Variants in SOX5 observed in about 807,000 individuals in gnomAD.
The protein encoded by SOX5 is transcription factor SOX-5.
Under a neutral mutation model 92.0 loss-of-function variants are expected in SOX5, and 9 were observed. The ratio of observed to expected loss-of-function variants is 0.10; its 90% confidence interval spans 0.06 to 0.17. The LOEUF (loss-of-function observed/expected upper bound fraction) is 0.17, where lower values mean the gene tolerates loss of function less well. SOX5 is among the 10% of genes least tolerant of loss of function. The pLI is 1.00. For missense variants in SOX5, 642 were observed against 944.5 expected (o/e 0.68, Z 4.20); for synonymous variants, 344 against 336.3 (o/e 1.02, Z -0.25).
At chr12:23,840,946 A>T (rs2096506199) in intron 3 of SOX5, among the ~76,000 whole-genome samples, 1 of 152,166 alleles carries the variant, frequency 6.6e-6, no homozygotes, top group Non-Finnish European at 1.5e-5. Flanking sequence ...GATTGCTTAC[A>T]GACATCAAAA....
At chr12:24,495,323 T>A (rs1947518589) in intron 1 of SOX5, among the ~76,000 whole-genome samples, 1 of 152,194 alleles carries the variant, frequency 6.6e-6, no homozygotes, top group Non-Finnish European at 1.5e-5. Context: ...AGAACCAGTA[T>A]GAAGTAGGTT....
intron 3 of SOX5, among the ~76,000 whole-genome samples, chr12:23,821,994 T>C (rs2096128522): frequency 6.6e-6 from 1 of 152,128 alleles, no homozygotes; most frequent in South Asian, 2.1e-4. Context: ...CATTTTTTAT[T>C]GTGTCTATTT....
At chr12:23,686,730 T>C (rs1314607152) in intron 6 of SOX5, among the ~76,000 whole-genome samples, 4 of 152,108 alleles carry the variant, frequency 2.6e-5, no homozygotes, top group Non-Finnish European at 5.9e-5. Context: ...CTTTTTCCTT[T>C]TTTGGAAATT....
chr12:23,582,663 A>C (rs1429975945), intron 9 of SOX5, among the ~76,000 whole-genome samples: 1 of 152,118 alleles, frequency 6.6e-6, no homozygotes, highest in East Asian at 1.9e-4. Flanking sequence ...TGCTGTGTTA[A>C]TGCTACCATT....
At chr12:23,601,411 T>C (rs1055779244) in intron 9 of SOX5, among the ~76,000 whole-genome samples, 2 of 152,192 alleles carry the variant, frequency 1.3e-5, no homozygotes, top group Non-Finnish European at 2.9e-5. Flanking sequence ...GGTTGTGACT[T>C]ATGATTTCAT....
At chr12:24,228,180 C>T (rs1962518500) in intron 3 of SOX5, among the ~76,000 whole-genome samples, 1 of 152,100 alleles carries the variant, frequency 6.6e-6, no homozygotes, top group Non-Finnish European at 1.5e-5. Flanking sequence ...TTTTGTATGC[C>T]ACAGAAAACC....
chr12:23,838,294 T>C (rs2096461336), intron 3 of SOX5, among the ~76,000 whole-genome samples: 1 of 149,908 alleles, frequency 6.7e-6, no homozygotes, highest in Non-Finnish European at 1.5e-5. Context: ...TTTGTTACTG[T>C]TTTTTTTGGT....
At chr12:23,860,122 A>G (rs1759574902) in intron 2 of SOX5, among the ~76,000 whole-genome samples, 1 of 152,194 alleles carries the variant, frequency 6.6e-6, no homozygotes, top group South Asian at 2.1e-4. Flanking sequence ...AGAGAAAGAA[A>G]CAACAGACAC....
At chr12:24,078,169 TTAAA>T (rs1462851821) in intron 4 of SOX5, among the ~76,000 whole-genome samples, 1 of 152,210 alleles carries the variant, frequency 6.6e-6, no homozygotes, top group East Asian at 1.9e-4. Context: ...TTTTTAAATC[TTAAA>T]TAGATATGCT....
chr12:24,065,074 G>C (rs780556085), intron 4 of SOX5, among the ~76,000 whole-genome samples: 2 of 152,138 alleles, frequency 1.3e-5, no homozygotes, highest in Non-Finnish European at 2.9e-5. Flanking sequence ...CTGAAGAATG[G>C]CACTGTGCTC....
chr12:24,468,590 A>G (rs925754115), intron 1 of SOX5, among the ~76,000 whole-genome samples: 2 of 152,082 alleles, frequency 1.3e-5, no homozygotes, highest in Non-Finnish European at 2.9e-5. Flanking sequence ...GTTTAGTCAA[A>G]CACCGCCCCA....
At position 23,713,691 on chromosome 12, in the gene SOX5, T is replaced by C. The variant is rs147984510; in HGVS notation, c.810+20993A>G. 4.2e-3 allele frequency among the ~76,000 whole-genome samples: 620 copies of C among 148,478 alleles called. 3 individuals carry two copies. Among genetic ancestry groups the C allele is most frequent in the African/African-American group, 0.014 (588 of 40,662 alleles). ...TGTGTGAATGTGTGTATTGAAATTA[T>C]CTGGAATATATATAAATATATATAT... On this transcript the variant is annotated intron_variant, in intron 6 of 14. Coordinates refer to ENST00000451604, the MANE Select transcript of SOX5 (RefSeq NM_006940.6).
chr12:23,970,841 A>ATATATATTTTTT lies in SOX5; in HGVS notation c.-1-74818_-1-74817insAAAAAATATATA. ...ACATGGGACTTTATATATATATATAATTTTTTTTTTTTTTTAAGAAATGGG... is the reference window on the plus strand; with the variant it reads ...ACATGGGACTTTATATATATATATAATATATATTTTTTTTTTTTTTTTTTTTTAAGAAATGGG... On this transcript the variant is annotated intron_variant, in intron 4 of 4. Coordinates refer to the SOX5 transcript ENST00000446891. 3.2e-3 allele frequency among the ~76,000 whole-genome samples: 71 copies of ATATATATTTTTT among 21,874 alleles called. 13 individuals are homozygous for ATATATATTTTTT. Among genetic ancestry groups the ATATATATTTTTT allele is most frequent in the South Asian group, 0.011 (5 of 454 alleles). The allele number at this position is 21,874 out of a possible 152,430, so 14.4% of individuals were successfully genotyped here. A position where few individuals can be genotyped will look rare whatever the true frequency, so the allele number is the denominator to read the frequency against.
intron 9 of SOX5, among the ~76,000 whole-genome samples, chr12:23,589,420 A>G (rs1951205456): frequency 6.6e-6 from 1 of 151,946 alleles, no homozygotes. Context: ...TCATGGAGGT[A>G]ATGCATAAAA....
intron 2 of SOX5, among the ~76,000 whole-genome samples, chr12:24,283,215 T>C (rs147942160): frequency 1.5e-4 from 23 of 152,308 alleles, no homozygotes; most frequent in African/African-American, 5.5e-4. Flanking sequence ...AATAAATATA[T>C]AAAGTATTCT....
At chr12:23,981,327 A>G (rs779567166) in intron 4 of SOX5, among the ~76,000 whole-genome samples, 9 of 152,182 alleles carry the variant, frequency 5.9e-5, no homozygotes, top group Non-Finnish European at 1.0e-4. Flanking sequence ...GAAACTCAAA[A>G]TTTCAATGAA....
chr12:24,012,427 T>C (rs1953051229), intron 4 of SOX5, among the ~76,000 whole-genome samples: 1 of 152,162 alleles, frequency 6.6e-6, no homozygotes, highest in South Asian at 2.1e-4. Context: ...CTGTCTACAA[T>C]TTTCAATGAG....
intron 4 of SOX5, among the ~76,000 whole-genome samples, chr12:24,113,508 A>G (rs909812718): frequency 6.6e-6 from 1 of 152,172 alleles, no homozygotes; most frequent in Non-Finnish European, 1.5e-5. Flanking sequence ...AATCATAAAC[A>G]ATATAAAACC....
chr12:23,970,841 A>ATATATATATATATTTTT lies in SOX5; in HGVS notation c.-1-74818_-1-74817insAAAAATATATATATATA. ...ACATGGGACTTTATATATATATATA[A>ATATATATATATATTTTT]TTTTTTTTTTTTTTTAAGAAATGGG... On this transcript the variant is annotated intron_variant, in intron 4 of 4. Transcript: ENST00000446891. Among the ~76,000 whole-genome samples, 34 of 21,882 alleles carry ATATATATATATATTTTT rather than the reference A, an allele frequency of 1.6e-3. 8 individuals carry two copies. Among genetic ancestry groups the ATATATATATATATTTTT allele is most frequent in the Admixed American group, 2.3e-3 (3 of 1,292 alleles). The allele number at this position is 21,882 out of a possible 152,430, so 14.4% of individuals were successfully genotyped here.
Sources: gnomAD v4.1 joint callset for allele counts (sites outside exome capture counted in the v4.1 genomes callset) on GRCh38, gnomAD v4.1.1 for gene constraint, MANE v1.5 for transcripts, NCBI Gene and HGNC (gene_info 2026-07-23, HGNC 2026-07-21) for gene names.